Variants in PDXDC1 observed in about 807,000 individuals in gnomAD.
The protein encoded by PDXDC1 is pyridoxal-dependent decarboxylase domain-containing protein 1.
PDXDC1 carries 42 observed loss-of-function variants against 100.1 expected under a neutral mutation model. The ratio of observed to expected loss-of-function variants is 0.42; its 90% CI spans 0.33 to 0.54. The LOEUF (loss-of-function observed/expected upper bound fraction) is 0.54, where lower values mean the gene tolerates loss of function less well. Ranked by LOEUF, PDXDC1 falls within the 20% of genes least tolerant of loss-of-function variation. PDXDC1 has a pLI of 0.10. For missense variants in PDXDC1, 636 were observed against 979.2 expected (o/e 0.65, Z 4.68); for synonymous variants, 260 against 371.7 (o/e 0.70, Z 3.46).
chr16:14,989,927 C>T (rs1481716170), intron 1 of PDXDC1: 4 of 1,490,072 alleles, frequency 2.7e-6, no homozygotes, highest in African/African-American at 2.9e-5. Flanking sequence ...CCTCGCCGCG[C>T]TCCCGCAGGC....
chr16:15,090,120 G>A (rs1375439637), intron 16 of PDXDC1, among the ~76,000 whole-genome samples: 1 of 152,018 alleles, frequency 6.6e-6, no homozygotes, highest in East Asian at 1.9e-4. Flanking sequence ...TGAGGCAGGA[G>A]AATTGCTTGA....
At chr16:15,124,685 C>T (rs962562067) in intron 16 of PDXDC1, among the ~76,000 whole-genome samples, 8 of 151,320 alleles carry the variant, frequency 5.3e-5, no homozygotes, top group African/African-American at 1.5e-4. Context: ...GGCAGGAGAA[C>T]AGTTTGAACC....
intron 16 of PDXDC1, among the ~76,000 whole-genome samples, chr16:15,075,660 G>A (rs2045423296): frequency 6.6e-6 from 1 of 152,154 alleles, no homozygotes; most frequent in Non-Finnish European, 1.5e-5. Flanking sequence ...AGAACCACCA[G>A]TGAAATTTAA....
chr16:15,020,633 G>A (rs2042120424), intron 12 of PDXDC1, among the ~76,000 whole-genome samples: 1 of 151,862 alleles, frequency 6.6e-6, no homozygotes, highest in African/African-American at 2.4e-5. Flanking sequence ...AGCTTGCAGT[G>A]AGCCGAGATT....
chr16:15,062,782 C>A (rs1270514471), intron 16 of PDXDC1, among the ~76,000 whole-genome samples: 1 of 152,108 alleles, frequency 6.6e-6, no homozygotes, highest in Non-Finnish European at 1.5e-5. Flanking sequence ...GCAATTTATC[C>A]AAAAAAGCCA....
intron 16 of PDXDC1, among the ~76,000 whole-genome samples, chr16:15,082,949 C>T (rs2045765499): frequency 1.3e-5 from 2 of 152,262 alleles, no homozygotes; most frequent in Non-Finnish European, 2.9e-5. Flanking sequence ...GAGCATAAAG[C>T]CACTACAGAT....
intron 8 of PDXDC1, among the ~76,000 whole-genome samples, chr16:15,015,049 C>T (rs1373660289): frequency 7.9e-5 from 12 of 152,260 alleles, no homozygotes; most frequent in African/African-American, 2.9e-4. Context: ...GCCATTCTCC[C>T]GCCTCGGCCC....
At chr16:15,039,719 C>A (rs929421746), downstream of PDXDC1, among the ~76,000 whole-genome samples, 9 of 152,216 alleles carry the variant, frequency 5.9e-5, no homozygotes, top group South Asian at 1.2e-3. Flanking sequence ...TCTTTGAATT[C>A]GGATGCTGGG....
intron 3 of PDXDC1, among the ~76,000 whole-genome samples, chr16:15,000,409 A>C (rs1972888871): frequency 6.6e-6 from 1 of 152,292 alleles, no homozygotes; most frequent in African/African-American, 2.4e-5. Flanking sequence ...GTGTGCCTCA[A>C]GGGCCCCTGC....
Position 15,037,142 on chromosome 16 carries a change from T to G in PDXDC1, c.*867T>G, listed in dbSNP as rs755355206. The G allele has an allele frequency of 6.6e-6, 1 of 152,256 alleles. No homozygotes were observed. The highest frequency in any genetic ancestry group is 2.1e-4 in the South Asian group (1 of 4,832). 9.4% of individuals were successfully genotyped at this position (152,256 alleles called of 1,614,324 possible). ...CTTTGACCTGTCTCCCACTGAAGCT[T>G]CTACTGCCCTGGCAGCTCGCCTGGG... On this transcript the variant is annotated 3_prime_UTR_variant, in exon 23 of 23. Transcript: ENST00000396410.
At chr16:15,126,063 C>A (rs2047704200) in intron 16 of PDXDC1, 1 of 536,576 alleles carries the variant, frequency 1.9e-6, no homozygotes, top group Non-Finnish European at 3.4e-6. Flanking sequence ...TAGATGGAGT[C>A]TCGCTCTGTC....
downstream of PDXDC1, chr16:15,039,941 C>G (rs2151686568): frequency 1.5e-6 from 2 of 1,328,380 alleles, no homozygotes; most frequent in South Asian, 1.2e-5. Context: ...TTTTTTTAAC[C>G]CCTTAACAAA....
chr16:15,129,590 G>C (rs1160007677), intron 16 of PDXDC1, among the ~76,000 whole-genome samples: 3 of 152,218 alleles, frequency 2.0e-5, no homozygotes, highest in Non-Finnish European at 2.9e-5. Flanking sequence ...GTGGATGCAC[G>C]GTCTCCCACA....
At chr16:15,061,888 T>C in intron 16 of PDXDC1, 1 of 1,612,452 alleles carries the variant, frequency 6.2e-7, no homozygotes. Context: ...AGTCATCATC[T>C]TCATCTTCCA....
chr16:15,149,007 T>G, the PDXDC1 span, among the ~76,000 whole-genome samples: 3 of 152,164 alleles, frequency 2.0e-5, no homozygotes, highest in East Asian at 5.8e-4. Context: ...AACGCCCGAG[T>G]GCGGGAGCCA....
At chr16:15,077,676 C>G (rs2045520819) in intron 16 of PDXDC1, among the ~76,000 whole-genome samples, 1 of 152,152 alleles carries the variant, frequency 6.6e-6, no homozygotes, top group South Asian at 2.1e-4. Flanking sequence ...CCCATCTCTA[C>G]TAAAAATACA....
intron 16 of PDXDC1, among the ~76,000 whole-genome samples, chr16:15,079,330 A>T (rs954971582): frequency 6.6e-6 from 1 of 152,170 alleles, no homozygotes; most frequent in Admixed American, 6.5e-5. Flanking sequence ...TTAACTGTTT[A>T]TAATTATAAT....
rs1273834856 is a variant in PDXDC1, at chr16:15,103,246, CAGGTGCTGCCATGGCCACGACTGTTG to C, written c.1400-35632_1400-35607del. 1.3e-3 allele frequency: 753 copies of C among 591,470 alleles called. 1 individual carries two copies. Among genetic ancestry groups the C allele is most frequent in the Middle Eastern group, 5.5e-3 (12 of 2,190 alleles). 36.6% of individuals were successfully genotyped at this position (591,470 alleles called of 1,614,324 possible). A position where few individuals can be genotyped will look rare whatever the true frequency, so the allele number is the denominator to read the frequency against. ...TGCTGTCCTGCCCATGTGACATCCGCAGGTGCTGCCATGGCCACGACTGTTGTTACACTCGAGCTGAGGAGGCCGGC... is the reference window on the plus strand; with the variant it reads ...TGCTGTCCTGCCCATGTGACATCCGCTTACACTCGAGCTGAGGAGGCCGGC... On this transcript the variant is annotated intron_variant, in intron 16 of 16. Coordinates refer to the PDXDC1 transcript ENST00000535621.
chr16:15,068,172 G>A, intron 16 of PDXDC1: 1 of 1,569,994 alleles, frequency 6.4e-7, no homozygotes, highest in Non-Finnish European at 8.7e-7. Flanking sequence ...AACTTACTTT[G>A]TGATTGCAGC....
Sources: gnomAD v4.1 joint callset for allele counts (sites outside exome capture counted in the v4.1 genomes callset) on GRCh38, gnomAD v4.1.1 for gene constraint, MANE v1.5 for transcripts, NCBI Gene and HGNC (gene_info 2026-07-23, HGNC 2026-07-21) for gene names.